CRAT: variants seen among roughly 807,000 people sequenced by gnomAD.
CRAT encodes the protein carnitine acetylase.
A neutral mutation model predicts 73.7 loss-of-function variants in CRAT; 66 were observed. The ratio of observed to expected loss-of-function variants is 0.90; its 90% CI spans 0.73 to 1.10. CRAT has a LOEUF of 1.10. CRAT is among the 50% of genes least tolerant of loss of function. The probability of loss-of-function intolerance (pLI) is 0.00; values close to 1 mark genes in which losing one functional copy is unlikely to be tolerated. For synonymous variants in CRAT, 321 were observed against 343.2 expected, an observed-to-expected ratio of 0.94 and a Z score of 0.71; for missense variants, 745 against 846.9, an observed-to-expected ratio of 0.88 and a Z score of 1.49.
At position 129,100,159 on chromosome 9, in the gene CRAT, G is replaced by A. The variant is rs78919995; in HGVS notation, c.985-193C>T. 5.5e-3 allele frequency: 3,234 copies of A among 588,026 alleles called. 76 individuals carry two copies. The highest frequency in any genetic ancestry group is 0.05 in the African/African-American group (2,708 of 53,860). The allele number at this position is 588,026 out of a possible 1,614,324, so 36.4% of individuals were successfully genotyped here. ...GCTAAGCACATCCCACGCTCAGCGT[G>A]CCTGACTGAGTCCTTCAAACTACTC... On this transcript the variant is annotated intron_variant, in intron 7 of 13. Transcript: ENST00000318080.
intron 2 of CRAT, 45 bp from the exon 3 acceptor site, chr9:129,104,351 GGTGCCCCCT>G: frequency 6.8e-7 from 1 of 1,478,802 alleles, no homozygotes. Context: ...CATGGGCCCT[GGTGCCCCCT>G]GTTCCCCAGG....
chr9:129,098,156 G>C lies in CRAT; in HGVS notation c.1329-8C>G. 6.2e-7 allele frequency: 1 copy of C among 1,613,692 alleles called. No homozygotes were observed. Among genetic ancestry groups the C allele is most frequent in the Non-Finnish European group, 8.5e-7 (1 of 1,180,020 alleles). ...CATGCCTGTCCGTAGATCCTGGTGG[G>C]AAATGGGGCTAAGCACGCCCCTTGG... On this transcript the variant is annotated splice_polypyrimidine_tract_variant and splice_region_variant and intron_variant, in intron 10 of 13. Coordinates refer to ENST00000318080, the MANE Select transcript of CRAT (RefSeq NM_000755.5).
In CRAT at chr9:129,109,266, CTGGGA is replaced by C. The variant is rs1215182071; in HGVS notation, c.28-1194_28-1190del. 12 of 1,304,006 alleles carry C rather than the reference CTGGGA, an allele frequency of 9.2e-6. No individual in the cohort carries two copies. The East Asian group carries it at 6.1e-4, about 66-fold the overall frequency. The allele number at this position is 1,304,006 out of a possible 1,614,324, so 80.8% of individuals were successfully genotyped here. A position where few individuals can be genotyped will look rare whatever the true frequency, so the allele number is the denominator to read the frequency against. On this transcript the variant is annotated intron_variant, in intron 1 of 13. Transcript: ENST00000318080. Reference sequence around the variant, plus strand: ...TGGCCGCTGAGGTTACACCACAGCCCTGGGATCGGTCCTGAAATTAGGGTTGGTGC... The same window carrying C: ...TGGCCGCTGAGGTTACACCACAGCCCTCGGTCCTGAAATTAGGGTTGGTGC...
chr9:129,101,991 G>C lies in CRAT; in HGVS notation c.697C>G (p.Leu233Val). The part of the protein sequence containing the change: ...PLTADQIFVQ[L>V]EKIWNSSLQT... Reference sequence around the variant, plus strand: ...AGGGATGAGTTCCAGATCTTCTCCAGCTGCACAAAGATCTGATCCGCAGTG... The same window carrying C: ...AGGGATGAGTTCCAGATCTTCTCCACCTGCACAAAGATCTGATCCGCAGTG... Residue 233 changes from leucine to valine, a missense_variant, in exon 6 of 14, where the codon CTG becomes GTG. Transcript: ENST00000318080. The C allele has an allele frequency of 6.2e-7, 1 of 1,614,214 alleles. No homozygotes were observed. The highest frequency in any genetic ancestry group is 8.5e-7 in the Non-Finnish European group (1 of 1,180,030).
In CRAT at chr9:129,107,049, C is replaced by G. The variant is rs1170613940; in HGVS notation, c.291+765G>C. ...AGCAGCTGGGTCACCTTTTTTTTTT[C>G]CCAAGACAGAGTCTTGCTCTGTCGC... On this transcript the variant is annotated intron_variant, in intron 2 of 13. Coordinates refer to ENST00000318080, the MANE Select transcript of CRAT (RefSeq NM_000755.5). The surrounding 1 kb of genome is among the most constrained non-coding windows in gnomAD (Gnocchi z 5.0). 2.0e-5 allele frequency among the ~76,000 whole-genome samples: 3 copies of G among 151,458 alleles called. No individual in the cohort carries two copies. Among genetic ancestry groups the G allele is most frequent in the African/African-American group, 7.3e-5 (3 of 41,232 alleles).
chr9:129,095,292 G>A lies in CRAT; in HGVS notation c.*105C>T. 1.6e-6 allele frequency: 2 copies of A among 1,245,814 alleles called. No individual in the cohort carries two copies. Among genetic ancestry groups the A allele is most frequent in the Non-Finnish European group, 2.3e-6 (2 of 883,228 alleles). The allele number at this position is 1,245,814 out of a possible 1,614,324, so 77.2% of individuals were successfully genotyped here. A position where few individuals can be genotyped will look rare whatever the true frequency, so the allele number is the denominator to read the frequency against. On this transcript the variant is annotated 3_prime_UTR_variant, in exon 14 of 14. Coordinates refer to ENST00000318080, the MANE Select transcript of CRAT (RefSeq NM_000755.5). ...GGCTCAGTAGATTTGGGGGGACCAG[G>A]GAAGAGGGAACCAAGGAAGAGGGAA...
chr9:129,102,470 T>C lies in CRAT; in HGVS notation c.560A>G (p.Gln187Arg), dbSNP rs1358306358. The C allele has an allele frequency of 6.2e-7, 1 of 1,614,180 alleles. No individual in the cohort carries two copies. Among genetic ancestry groups the C allele is most frequent in the Admixed American group, 1.7e-5 (1 of 60,028 alleles). ...CTTGCTGAAGTTGCTGACTGTGTCC[T>C]GCTTGGGGCCCGGCACTCGGCAGGA... ...LSSCRVPGPK[Q>R]DTVSNFSKTK... The change falls in exon 5 of 14, where the codon CAG becomes CGG. Residue 187 changes from glutamine (Q) to arginine (R), a missense_variant. Physicochemically the swap from Gln to Arg is conservative, Grantham distance 43 (BLOSUM62 1). Coordinates refer to ENST00000318080, the MANE Select transcript of CRAT (RefSeq NM_000755.5).
chr9:129,109,382 G>GAGA, intron 1 of CRAT: 3 of 874,320 alleles, frequency 3.4e-6, no homozygotes, highest in Non-Finnish European at 4.9e-6. Context: ...AGGACTCCTG[G>GAGA]GACCCATCTG....
At chr9:129,108,224 G>C (rs1170306700) in intron 1 of CRAT, 147 bp from the exon 2 acceptor site, 1 of 1,165,632 alleles carries the variant, frequency 8.6e-7, no homozygotes, top group African/African-American at 1.5e-5. Flanking sequence ...CCCAGCCCTA[G>C]AGCTCTAGGT....
Position 129,107,465 on chromosome 9 carries a change from T to C in CRAT, c.291+349A>G. The C allele has an allele frequency of 1.7e-6, 1 of 602,910 alleles. No individual in the cohort carries two copies. Among genetic ancestry groups the C allele is most frequent in the Non-Finnish European group, 3.0e-6 (1 of 335,964 alleles). 37.3% of individuals were successfully genotyped at this position (602,910 alleles called of 1,614,324 possible). A position where few individuals can be genotyped will look rare whatever the true frequency, so the allele number is the denominator to read the frequency against. ...ATACAGAACCTGGGCGATCGGTCAC[T>C]GAGTGACACATATCCCCTGCCTGAG... is the stretch of plus-strand genomic sequence containing the variant. On this transcript the variant is annotated intron_variant, in intron 2 of 13. Transcript: ENST00000318080. The surrounding 1 kb of genome is among the most constrained non-coding windows in gnomAD (Gnocchi z 5.0).
chr9:129,103,357 G>A lies in CRAT; in HGVS notation c.411-291C>T, dbSNP rs1404137167. On this transcript the variant is annotated intron_variant, in intron 3 of 13. Transcript: ENST00000318080. This position sits in a 1 kb window ranked among gnomAD's most constrained non-coding sequence, Gnocchi z 4.6. ...CTGCAGCTGGAGTGTGGCTTGGTTA[G>A]GGGTCAGTGGGCTGGGTCTACCCAC... 6.6e-6 allele frequency among the ~76,000 whole-genome samples: 1 copy of A among 152,164 alleles called. No homozygotes were observed. Among genetic ancestry groups the A allele is most frequent in the Non-Finnish European group, 1.5e-5 (1 of 68,008 alleles).
rs1564170674 is a variant in CRAT at position 129,107,576 on chromosome 9, C to T, written c.291+238G>A. The T allele has an allele frequency of 1.4e-6, 1 of 698,118 alleles. No individual in the cohort carries two copies. The allele number at this position is 698,118 out of a possible 1,614,324, so 43.2% of individuals were successfully genotyped here. A position where few individuals can be genotyped will look rare whatever the true frequency, so the allele number is the denominator to read the frequency against. The stretch of plus-strand genomic sequence containing the variant: ...CTGCCTCTGTCCTGGAACATGAAAC[C>T]TTGTCCACAACCTGTATCCTGTTCA... On this transcript the variant is annotated intron_variant, in intron 2 of 13. Coordinates refer to ENST00000318080, the MANE Select transcript of CRAT (RefSeq NM_000755.5). The surrounding 1 kb of genome is among the most constrained non-coding windows in gnomAD (Gnocchi z 5.0).
rs1173268381 is a variant in CRAT, at chr9:129,110,538, C to T, written c.-29G>A. The T allele has an allele frequency of 4.4e-6, 7 of 1,574,088 alleles. No individual in the cohort carries two copies. The highest frequency in any genetic ancestry group is 4.2e-5 in the African/African-American group (3 of 71,036). ...CGCTGCCCGTCCGCGGACACGCAGTCCGCTCCGCCCCACACACCGGGCAAA... is the reference window on the plus strand; with the variant it reads ...CGCTGCCCGTCCGCGGACACGCAGTTCGCTCCGCCCCACACACCGGGCAAA... On this transcript the variant is annotated 5_prime_UTR_variant, in exon 1 of 14. Coordinates refer to ENST00000318080, the MANE Select transcript of CRAT (RefSeq NM_000755.5). This position sits in a 1 kb window ranked among gnomAD's most constrained non-coding sequence, Gnocchi z 5.3.
rs1313206118 is a variant in CRAT at position 129,098,041 on chromosome 9, A to G, written c.1436T>C (p.Val479Ala). 1 of 1,613,976 alleles carries G rather than the reference A, an allele frequency of 6.2e-7. No individual in the cohort carries two copies. The highest frequency in any genetic ancestry group is 8.5e-7 in the Non-Finnish European group (1 of 1,180,026). ...RSASMDSLTF[V>A]KAMDDSSVTE... ...GACGCTGGAGTCATCCATGGCCTTG[A>G]CAAAGGTGAGTGAGTCCATGGAAGC... The change falls in exon 11 of 14, where the codon GTC becomes GCC. Residue 479 changes from valine to alanine, a missense_variant. Coordinates refer to ENST00000318080, the MANE Select transcript of CRAT (RefSeq NM_000755.5).
intron 6 of CRAT, 46 bp downstream of exon 6, chr9:129,101,837 G>A (rs770158243): frequency 1.3e-6 from 2 of 1,594,324 alleles, no homozygotes; most frequent in Non-Finnish European, 8.5e-7. Context: ...CCCCAACAGG[G>A]GAAGAGGCCT....
chr9:129,095,561 C>T lies in CRAT; in HGVS notation c.1717G>A (p.Gly573Ser), dbSNP rs201468277. The change falls in exon 14 of 14, where the codon GGC (glycine) becomes AGC (serine). Residue 573 changes from glycine (G) to serine (S), a missense_variant. Gly to Ser is a moderately conservative substitution (Grantham distance 56). Coordinates refer to ENST00000318080, the MANE Select transcript of CRAT (RefSeq NM_000755.5). ...ATGGGGTTATAGCAGACACCGTAGC[C>T]GTCGGGGACCACGGGCCCGAAGAAC... Reference protein sequence around the residue: ...VMFFGPVVPDGYGVCYNPMEA... With the variant: ...VMFFGPVVPDSYGVCYNPMEA... 1.7e-4 allele frequency: 273 copies of T among 1,613,242 alleles called. 1 individual carries two copies. The highest frequency in any genetic ancestry group is 1.4e-4 in the Non-Finnish European group (164 of 1,179,990).
intron 2 of CRAT, among the ~76,000 whole-genome samples, chr9:129,104,886 G>T (rs17486185): frequency 6.8e-6 from 1 of 146,436 alleles, no homozygotes; most frequent in South Asian, 2.2e-4. Flanking sequence ...TTACAGGCAT[G>T]AGCCACTGTG....
chr9:129,110,577 C>A lies in CRAT; in HGVS notation c.-68G>T. 2 of 1,497,754 alleles carry A rather than the reference C, an allele frequency of 1.3e-6. No individual in the cohort carries two copies. The highest frequency in any genetic ancestry group is 1.8e-6 in the Non-Finnish European group (2 of 1,125,288). 92.8% of individuals were successfully genotyped at this position (1,497,754 alleles called of 1,614,324 possible). On this transcript the variant is annotated 5_prime_UTR_variant, in exon 1 of 14. Coordinates refer to ENST00000318080, the MANE Select transcript of CRAT (RefSeq NM_000755.5). The surrounding 1 kb of genome is among the most constrained non-coding windows in gnomAD (Gnocchi z 5.3). ...ACACCGGGCAAAGTCCGCGCCGCCG[C>A]CGCCGCGGCTGGGGTCGGTGGGTCC...
At chr9:129,095,850 C>T in intron 13 of CRAT, 148 bp downstream of exon 13, 2 of 1,188,346 alleles carry the variant, frequency 1.7e-6, no homozygotes, top group East Asian at 4.7e-5. Flanking sequence ...TCTCAGCCTG[C>T]CTGGGCTGCA....
Sources: gnomAD v4.1 joint callset for allele counts (sites outside exome capture counted in the v4.1 genomes callset) on GRCh38, gnomAD v4.1.1 for gene constraint, Gnocchi (gnomAD v3.1) non-coding constraint, MANE v1.5 for transcripts, NCBI Gene and HGNC (gene_info 2026-07-23, HGNC 2026-07-21) for gene names.